The following ARFGEF3 variants were observed in gnomAD, a reference collection of about 807,000 sequenced individuals.
The protein encoded by ARFGEF3 is brefeldin A-inhibited guanine nucleotide-exchange protein 3.
A neutral mutation model predicts 221.7 loss-of-function variants in ARFGEF3; 96 were observed. The observed-to-expected ratio is 0.43, with a 90% confidence interval of 0.37 to 0.51. The LOEUF (loss-of-function observed/expected upper bound fraction) is 0.51, where lower values mean the gene tolerates loss of function less well. Among genes scored for constraint, ARFGEF3 ranks in the 20% least tolerant of loss-of-function variants. The probability of loss-of-function intolerance (pLI) is 0.00; values close to 1 mark genes in which losing one functional copy is unlikely to be tolerated. For synonymous variants in ARFGEF3, 1,145 were observed against 1,126.8 expected (o/e 1.02, Z -0.32); for missense variants, 2,410 against 2,789.9 (o/e 0.86, Z 3.07).
At chr6:138,177,188 C>T (rs139537013) in intron 2 of ARFGEF3, among the ~76,000 whole-genome samples, 2,033 of 152,058 alleles carry the variant, frequency 0.013, 32 homozygotes, top group Middle Eastern at 0.055. Context: ...CTCCCAGATT[C>T]AAGCAATCCT....
At chr6:138,289,789 T>C in intron 17 of ARFGEF3, 29 bp from the exon 18 acceptor site, 1 of 1,604,238 alleles carries the variant, frequency 6.2e-7, no homozygotes, top group Non-Finnish European at 8.5e-7. Flanking sequence ...ACTCAACCTG[T>C]TATTTTAATA....
At chr6:138,254,362 C>T (rs183729357) in intron 9 of ARFGEF3, among the ~76,000 whole-genome samples, 2 of 149,666 alleles carry the variant, frequency 1.3e-5, no homozygotes, top group Admixed American at 6.7e-5. Flanking sequence ...AAGGTTGCAG[C>T]GAGCGGAGAT....
intron 32 of ARFGEF3, among the ~76,000 whole-genome samples, chr6:138,330,418 T>C (rs1428355748): frequency 1.3e-5 from 2 of 152,188 alleles, no homozygotes; most frequent in African/African-American, 4.8e-5. Context: ...ATCCAATTTC[T>C]GTTGTTTGTA....
At position 138,286,706 on chromosome 6, in the gene ARFGEF3, G is replaced by C; in HGVS notation, c.2575G>C (p.Ala859Pro). 6.2e-7 allele frequency: 1 copy of C among 1,613,930 alleles called. No individual in the cohort carries two copies. Among genetic ancestry groups the C allele is most frequent in the Non-Finnish European group, 8.5e-7 (1 of 1,179,854 alleles). Reference sequence around the variant, plus strand: ...CACACCCCTCCATGTTCCAGGCGTGGCATTTGCTCGCTATATTCTGGTGGG... The same window carrying C: ...CACACCCCTCCATGTTCCAGGCGTGCCATTTGCTCGCTATATTCTGGTGGG... ...RIDDSTVAGV[A>P]FARYILVGCW... Residue 859 changes from alanine (A) to proline (P), a missense_variant, in exon 16 of 34, where the codon GCA becomes CCA. Ala to Pro is a conservative substitution (Grantham distance 27). Transcript: ENST00000251691.
intron 8 of ARFGEF3, among the ~76,000 whole-genome samples, chr6:138,249,817 T>C (rs1387749231): frequency 1.3e-5 from 2 of 152,186 alleles, no homozygotes; most frequent in Non-Finnish European, 2.9e-5. Flanking sequence ...TTGCTTTGTA[T>C]GATTTTGGTA....
intron 4 of ARFGEF3, among the ~76,000 whole-genome samples, chr6:138,228,337 T>G (rs928652538): frequency 4.4e-4 from 65 of 148,832 alleles, no homozygotes; most frequent in Admixed American, 3.6e-3. Context: ...CCACCACACC[T>G]GGATAATTTT....
At chr6:138,268,972 C>A (rs1013102096) in intron 12 of ARFGEF3, among the ~76,000 whole-genome samples, 2 of 152,254 alleles carry the variant, frequency 1.3e-5, no homozygotes, top group Non-Finnish European at 2.9e-5. Context: ...AACACTTGGT[C>A]TCTGCCCTCC....
chr6:138,317,710 C>G (rs796345258), intron 27 of ARFGEF3, among the ~76,000 whole-genome samples: 29 of 152,298 alleles, frequency 1.9e-4, no homozygotes, highest in African/African-American at 5.1e-4. Flanking sequence ...ATGGTCACAG[C>G]CTTCCTTTGT....
rs759610713 is a variant in ARFGEF3, at chr6:138,334,738, T to C, written c.5892T>C (p.Asp1964=). 6.2e-7 allele frequency: 1 copy of C among 1,609,264 alleles called. No individual in the cohort carries two copies. Among genetic ancestry groups the C allele is most frequent in the Non-Finnish European group, 8.5e-7 (1 of 1,176,984 alleles). ...CTGGGAAAGAAACCCCTTCCGAGGA[T>C]GACAGAAGCCAGTCCCGGGAGCACA... ...GFSGKETPSE[D]DRSQSREHMG... is the part of the protein sequence containing the mutation. Residue 1964 remains aspartate (D), a synonymous_variant, in exon 33 of 34, where the codon GAT becomes GAC. Coordinates refer to ENST00000251691, the MANE Select transcript of ARFGEF3 (RefSeq NM_020340.5). This position sits in a 1 kb window ranked among gnomAD's most constrained non-coding sequence, Gnocchi z 5.1.
intron 2 of ARFGEF3, among the ~76,000 whole-genome samples, chr6:138,182,261 TACA>T (rs1777090934): frequency 6.6e-6 from 1 of 152,188 alleles, no homozygotes; most frequent in African/African-American, 2.4e-5. Flanking sequence ...TTTGACTTAA[TACA>T]GAAGATTTTT....
Position 138,294,024 on chromosome 6 carries a change from C to T in ARFGEF3, c.3400C>T (p.Leu1134Phe), listed in dbSNP as rs1167283458. Residue 1134 changes from leucine to phenylalanine, a missense_variant, in exon 20 of 34, where the codon CTC becomes TTC. By Grantham distance (22) the Leu-to-Phe change is conservative. This residue lies in a region of ARFGEF3 where 723 missense variants were observed against 991.9 expected (regional missense o/e 0.73). Coordinates refer to ENST00000251691, the MANE Select transcript of ARFGEF3 (RefSeq NM_020340.5). Reference sequence around the variant, plus strand: ...TGAAGATGCTACGGATAAGTTGAACCTCATGGCCTTGGGAGGTTTTCTTTA... The same window carrying T: ...TGAAGATGCTACGGATAAGTTGAACTTCATGGCCTTGGGAGGTTTTCTTTA... ...LFEDATDKLN[L>F]MALGGFLYQL... 1.9e-6 allele frequency: 3 copies of T among 1,613,926 alleles called. No individual in the cohort carries two copies. The highest frequency in any genetic ancestry group is 1.6e-4 in the Middle Eastern group (1 of 6,062).
chr6:138,194,263 G>A lies in ARFGEF3; in HGVS notation c.138-12779G>A, dbSNP rs796920382. 2.0e-3 allele frequency among the ~76,000 whole-genome samples: 275 copies of A among 138,224 alleles called. 1 individual carries two copies. The highest frequency in any genetic ancestry group is 6.9e-3 in the African/African-American group (253 of 36,584). The allele number at this position is 138,224 out of a possible 152,430, so 90.7% of individuals were successfully genotyped here. On this transcript the variant is annotated intron_variant, in intron 2 of 33. Transcript: ENST00000251691. ...AGCCTGGGTGACAGAGCAAGACTCC[G>A]TCTCCAAAAAAAAAAAAAAAAAAGA...
intron 3 of ARFGEF3, among the ~76,000 whole-genome samples, chr6:138,208,952 G>C (rs1267762765): frequency 6.6e-6 from 1 of 152,106 alleles, no homozygotes; most frequent in Non-Finnish European, 1.5e-5. Context: ...TTGTCTCTGG[G>C]GGAAGATGAA....
At chr6:138,282,080 G>C (rs1162918983) in intron 14 of ARFGEF3, among the ~76,000 whole-genome samples, 1 of 152,160 alleles carries the variant, frequency 6.6e-6, no homozygotes, top group Non-Finnish European at 1.5e-5. Context: ...TCAGCCTCCA[G>C]AGCAGCTGGA....
chr6:138,331,339 C>G (rs531546931), intron 32 of ARFGEF3, among the ~76,000 whole-genome samples: 1 of 152,338 alleles, frequency 6.6e-6, no homozygotes, highest in Admixed American at 6.5e-5. Context: ...GAGCTCTTAG[C>G]CAAAATCTGT....
chr6:138,263,821 A>C (rs1282456211), intron 12 of ARFGEF3, among the ~76,000 whole-genome samples: 1 of 152,220 alleles, frequency 6.6e-6, no homozygotes, highest in Non-Finnish European at 1.5e-5. Flanking sequence ...GGAATATACT[A>C]TGAGGCTGAT....
At chr6:138,279,239 A>T (rs983374416) in intron 13 of ARFGEF3, among the ~76,000 whole-genome samples, 2 of 152,120 alleles carry the variant, frequency 1.3e-5, no homozygotes, top group Non-Finnish European at 2.9e-5. Flanking sequence ...GCCAGCCTTG[A>T]ACTCCTGGGC....
Position 138,324,036 on chromosome 6 carries a change from G to T in ARFGEF3, c.4883G>T (p.Cys1628Phe). The part of the protein sequence containing the change: ...TLKPVKDLLG[C>F]FHSGTESFSG... ...GTTTCTCCCCAGGACCTGCTGGGCT[G>T]CTTCCACAGCGGCACGGAGAGCTTC... The change falls in exon 31 of 34, where the codon TGC becomes TTC. Residue 1628 changes from cysteine to phenylalanine, a missense_variant. Cys to Phe is a radical substitution (Grantham distance 205, BLOSUM62 -2). This residue lies in a region of ARFGEF3 where 723 missense variants were observed against 991.9 expected (regional missense o/e 0.73). Transcript: ENST00000251691. 6.2e-7 allele frequency: 1 copy of T among 1,613,720 alleles called. No homozygotes were observed. Among genetic ancestry groups the T allele is most frequent in the South Asian group, 1.1e-5 (1 of 91,040 alleles).
At chr6:138,197,492 G>A (rs1343063917) in intron 2 of ARFGEF3, among the ~76,000 whole-genome samples, 1 of 152,182 alleles carries the variant, frequency 6.6e-6, no homozygotes, top group East Asian at 1.9e-4. Context: ...CTAATTGTAT[G>A]TGCTATGCTT....
Sources: allele counts gnomAD v4.1 joint callset (sites outside exome capture counted in the v4.1 genomes callset), GRCh38; gene constraint gnomAD v4.1.1; regional missense constraint gnomAD v4.1.1; non-coding constraint Gnocchi (gnomAD v3.1); transcripts MANE v1.5; gene names NCBI Gene and HGNC (gene_info 2026-07-23, HGNC 2026-07-21).